The following CNTNAP2 variants were observed in gnomAD, a reference collection of about 807,000 sequenced individuals.
CNTNAP2 encodes the protein contactin associated protein 2.
In CNTNAP2, 98 loss-of-function variants were observed where a neutral mutation model predicts 155.2. The ratio of observed to expected loss-of-function variants is 0.63; its 90% CI spans 0.54 to 0.75. CNTNAP2 has a LOEUF of 0.75. CNTNAP2 is among the 30% of genes least tolerant of loss of function. CNTNAP2 has a pLI of 0.00. For missense variants in CNTNAP2, 1,727 were observed against 1,688.1 expected, an observed-to-expected ratio of 1.02 and a Z score of -0.40; for synonymous variants, 651 against 631.2, an observed-to-expected ratio of 1.03 and a Z score of -0.47.
intron 13 of CNTNAP2, among the ~76,000 whole-genome samples, chr7:147,869,642 T>A (rs1431702733): frequency 2.0e-5 from 3 of 152,232 alleles, no homozygotes; most frequent in African/African-American, 7.2e-5. Flanking sequence ...AAAAATAAAC[T>A]GCAGTGTCAT....
intron 13 of CNTNAP2, among the ~76,000 whole-genome samples, chr7:147,693,998 A>T (rs1212847608): frequency 6.6e-6 from 1 of 152,016 alleles, no homozygotes; most frequent in African/African-American, 2.4e-5. Context: ...TATTTTATCA[A>T]GTAGGAAGCT....
At chr7:147,428,915 T>C (rs552961670) in intron 10 of CNTNAP2, among the ~76,000 whole-genome samples, 2 of 152,028 alleles carry the variant, frequency 1.3e-5, no homozygotes, top group East Asian at 3.9e-4. Context: ...TGTAGTTTTT[T>C]CTCTCTCATC....
intron 20 of CNTNAP2, among the ~76,000 whole-genome samples, chr7:148,252,786 A>C (rs1334518134): frequency 2.6e-5 from 4 of 151,988 alleles, no homozygotes; most frequent in Non-Finnish European, 4.4e-5. Context: ...CTGGCTCCCC[A>C]CCTGCTTCCT....
intron 4 of CNTNAP2, among the ~76,000 whole-genome samples, chr7:147,095,837 A>G (rs1800519275): frequency 6.6e-6 from 1 of 152,114 alleles, no homozygotes; most frequent in Non-Finnish European, 1.5e-5. Flanking sequence ...ATTATCTTTT[A>G]TCTCAAATGT....
intron 14 of CNTNAP2, among the ~76,000 whole-genome samples, chr7:147,939,851 C>T (rs1194962242): frequency 1.3e-5 from 2 of 152,042 alleles, no homozygotes; most frequent in Admixed American, 6.6e-5. Flanking sequence ...AATAAATCCC[C>T]CATACAAAAA....
chr7:146,261,934 AG>A (rs925585419), intron 1 of CNTNAP2, among the ~76,000 whole-genome samples: 1 of 152,192 alleles, frequency 6.6e-6, no homozygotes, highest in Non-Finnish European at 1.5e-5. Context: ...CTAATGAACA[AG>A]CACCTCTGAA....
intron 3 of CNTNAP2, among the ~76,000 whole-genome samples, chr7:147,028,435 T>C (rs1798963134): frequency 6.6e-6 from 1 of 152,164 alleles, no homozygotes; most frequent in African/African-American, 2.4e-5. Context: ...TTCTCTGAAA[T>C]CAAGACTTTA....
chr7:147,287,750 C>G (rs561222230), intron 8 of CNTNAP2, among the ~76,000 whole-genome samples: 1 of 152,098 alleles, frequency 6.6e-6, no homozygotes. Context: ...CCCCCAGTCT[C>G]TCATTACAGT....
chr7:146,717,970 T>C (rs1348201335), intron 1 of CNTNAP2, among the ~76,000 whole-genome samples: 1 of 152,108 alleles, frequency 6.6e-6, no homozygotes, highest in African/African-American at 2.4e-5. Context: ...GCAGCTTATT[T>C]GAAATTATTG....
At chr7:146,224,233 C>G (rs1236873946) in intron 1 of CNTNAP2, among the ~76,000 whole-genome samples, 1 of 152,132 alleles carries the variant, frequency 6.6e-6, no homozygotes, top group Non-Finnish European at 1.5e-5. Context: ...CACAACCTCA[C>G]ATAGGGAGGG....
At chr7:146,977,958 G>A (rs1382010402) in intron 3 of CNTNAP2, among the ~76,000 whole-genome samples, 1 of 152,104 alleles carries the variant, frequency 6.6e-6, no homozygotes, top group African/African-American at 2.4e-5. Flanking sequence ...ACTGTGTAAA[G>A]AAATGGAATT....
chr7:146,283,678 TA>T (rs1800285016), intron 1 of CNTNAP2, among the ~76,000 whole-genome samples: 1 of 152,234 alleles, frequency 6.6e-6, no homozygotes, highest in Admixed American at 6.5e-5. Context: ...AACCTATTTT[TA>T]AAATTTTTAT....
At chr7:147,619,287 C>T (rs1202202300) in intron 12 of CNTNAP2, among the ~76,000 whole-genome samples, 7 of 152,144 alleles carry the variant, frequency 4.6e-5, no homozygotes, top group African/African-American at 1.7e-4. Flanking sequence ...AATGATAACA[C>T]ATATAAACAC....
intron 9 of CNTNAP2, among the ~76,000 whole-genome samples, chr7:147,331,807 T>G (rs1795575975): frequency 6.6e-6 from 1 of 152,204 alleles, no homozygotes; most frequent in African/African-American, 2.4e-5. Flanking sequence ...TTGCCCCTTG[T>G]TCATCTCATT....
At chr7:147,922,042 A>G (rs1800291085) in intron 14 of CNTNAP2, among the ~76,000 whole-genome samples, 1 of 152,340 alleles carries the variant, frequency 6.6e-6, no homozygotes, top group African/African-American at 2.4e-5. Context: ...TTAGCCATAT[A>G]CAAATTATCC....
At chr7:147,029,069 T>G (rs1208094386) in intron 3 of CNTNAP2, among the ~76,000 whole-genome samples, 1 of 148,212 alleles carries the variant, frequency 6.7e-6, no homozygotes, top group Non-Finnish European at 1.5e-5. Flanking sequence ...GTTCACGCCA[T>G]TCTCCCGTCT....
chr7:146,986,112 A>G (rs574412131), intron 3 of CNTNAP2, among the ~76,000 whole-genome samples: 1 of 152,140 alleles, frequency 6.6e-6, no homozygotes, highest in African/African-American at 2.4e-5. Context: ...CCCAAGTAGT[A>G]TACACTGTAC....
chr7:147,548,939 G>T (rs1484886855), intron 11 of CNTNAP2, among the ~76,000 whole-genome samples: 2 of 152,078 alleles, frequency 1.3e-5, no homozygotes, highest in African/African-American at 2.4e-5. Context: ...TATTTCTGAG[G>T]TCTCTGTTCT....
intron 3 of CNTNAP2, among the ~76,000 whole-genome samples, chr7:146,926,154 T>C (rs1796604783): frequency 6.6e-6 from 1 of 152,168 alleles, no homozygotes; most frequent in South Asian, 2.1e-4. Context: ...TAACCAATCT[T>C]TCAGAATATT....
Sources: allele counts gnomAD v4.1 joint callset (sites outside exome capture counted in the v4.1 genomes callset), GRCh38; gene constraint gnomAD v4.1.1; transcripts MANE v1.5; gene names NCBI Gene and HGNC (gene_info 2026-07-23, HGNC 2026-07-21).